The following MAGI2 variants were observed in gnomAD, a reference collection of about 807,000 sequenced individuals.
MAGI2 encodes the protein membrane-associated guanylate kinase, WW and PDZ domain-containing protein 2.
Under a neutral mutation model 133.3 loss-of-function variants are expected in MAGI2, and 35 were observed. The ratio of observed to expected loss-of-function variants is 0.26; its 90% CI spans 0.20 to 0.35. The LOEUF (loss-of-function observed/expected upper bound fraction) is 0.35. Ranked by LOEUF, MAGI2 falls within the 10% of genes least tolerant of loss-of-function variation. MAGI2 has a pLI of 1.00. For synonymous variants in MAGI2, 729 were observed against 710.6 expected (o/e 1.03, Z -0.41); for missense variants, 1,636 against 1,863.4 (o/e 0.88, Z 2.25).
chr7:78,230,260 TTA>T (rs1485228520), intron 10 of MAGI2, among the ~76,000 whole-genome samples: 1 of 152,248 alleles, frequency 6.6e-6, no homozygotes, highest in East Asian at 1.9e-4. Flanking sequence ...AATGCTACTT[TTA>T]TATGACATTG....
intron 6 of MAGI2, among the ~76,000 whole-genome samples, chr7:78,451,730 G>A (rs1432237321): frequency 6.6e-6 from 1 of 152,110 alleles, no homozygotes; most frequent in Non-Finnish European, 1.5e-5. Context: ...TACAGAGTAA[G>A]TACTACATGA....
chr7:79,398,645 T>A (rs76565417), intron 1 of MAGI2, among the ~76,000 whole-genome samples: 118 of 152,334 alleles, frequency 7.7e-4, no homozygotes, highest in Non-Finnish European at 1.3e-3. Flanking sequence ...AGGAAAAGCC[T>A]TTCTAGCACC....
chr7:78,045,347 C>T (rs191993359), intron 21 of MAGI2, among the ~76,000 whole-genome samples: 19 of 152,178 alleles, frequency 1.2e-4, no homozygotes, highest in Admixed American at 5.2e-4. Context: ...TCACTCATTT[C>T]GTCAAACACT....
chr7:78,682,934 T>C (rs181175208), intron 2 of MAGI2, among the ~76,000 whole-genome samples: 1 of 152,340 alleles, frequency 6.6e-6, no homozygotes, highest in East Asian at 1.9e-4. Context: ...GTGTGTTAAA[T>C]ATTCTTTTCA....
chr7:78,808,953 A>C (rs887362680), intron 2 of MAGI2, among the ~76,000 whole-genome samples: 3 of 152,246 alleles, frequency 2.0e-5, no homozygotes, highest in Non-Finnish European at 2.9e-5. Context: ...TCAGGAACAC[A>C]GTCACTGCCT....
chr7:78,144,805 G>T (rs775712261), intron 16 of MAGI2, among the ~76,000 whole-genome samples: 2 of 152,100 alleles, frequency 1.3e-5, no homozygotes, highest in African/African-American at 2.4e-5. Flanking sequence ...GAACGTGCAG[G>T]TTTGTTACAT....
At chr7:78,088,342 C>CATCT (rs1227366068) in intron 20 of MAGI2, among the ~76,000 whole-genome samples, 1 of 152,206 alleles carries the variant, frequency 6.6e-6, no homozygotes, top group African/African-American at 2.4e-5. Flanking sequence ...TCCTCTCTGA[C>CATCT]CTCTGCTTCT....
chr7:79,095,605 A>G (rs1817449235), intron 1 of MAGI2, among the ~76,000 whole-genome samples: 1 of 152,144 alleles, frequency 6.6e-6, no homozygotes, highest in South Asian at 2.1e-4. Context: ...CTCAGGGACT[A>G]GGAGGGCCCA....
intron 1 of MAGI2, among the ~76,000 whole-genome samples, chr7:79,192,437 A>G (rs1015677424): frequency 6.6e-6 from 1 of 151,882 alleles, no homozygotes; most frequent in African/African-American, 2.4e-5. Flanking sequence ...TTGCCTTTAC[A>G]TAATTTATAA....
At chr7:78,489,734 A>C in intron 6 of MAGI2, 27 bp downstream of exon 6, 1 of 1,551,460 alleles carries the variant, frequency 6.4e-7, no homozygotes, top group Non-Finnish European at 8.9e-7. Flanking sequence ...CACATTGCTG[A>C]AACACCATAA....
At chr7:78,206,126 A>G (rs1350315663) in intron 10 of MAGI2, among the ~76,000 whole-genome samples, 1 of 152,182 alleles carries the variant, frequency 6.6e-6, no homozygotes, top group Non-Finnish European at 1.5e-5. Flanking sequence ...TTTGTGTGGT[A>G]ACAGTTTTAT....
intron 9 of MAGI2, among the ~76,000 whole-genome samples, chr7:78,317,723 A>G (rs1432766611): frequency 3.9e-5 from 6 of 152,086 alleles, no homozygotes; most frequent in African/African-American, 1.4e-4. Context: ...GCCGACAGAA[A>G]CCTCATACAG....
intron 2 of MAGI2, among the ~76,000 whole-genome samples, chr7:78,726,797 A>C (rs1348463292): frequency 6.6e-6 from 1 of 152,222 alleles, no homozygotes; most frequent in Non-Finnish European, 1.5e-5. Flanking sequence ...ATGAAAATTT[A>C]AAGATCTATG....
intron 6 of MAGI2, among the ~76,000 whole-genome samples, chr7:78,417,164 G>A (rs923018132): frequency 2.0e-5 from 3 of 152,110 alleles, no homozygotes; most frequent in Admixed American, 1.3e-4. Context: ...GGGCCAGAGT[G>A]AAGATTTTGC....
chr7:78,820,295 C>T (rs889643255), intron 2 of MAGI2, among the ~76,000 whole-genome samples: 14 of 151,752 alleles, frequency 9.2e-5, no homozygotes, highest in African/African-American at 3.4e-4. Context: ...AGGGGAGATA[C>T]ATAAATATAT....
At chr7:79,369,574 C>G (rs1177035232) in intron 1 of MAGI2, among the ~76,000 whole-genome samples, 2 of 152,124 alleles carry the variant, frequency 1.3e-5, no homozygotes, top group Non-Finnish European at 2.9e-5. Flanking sequence ...TGAAACTTAC[C>G]TTTATTATAT....
intron 1 of MAGI2, among the ~76,000 whole-genome samples, chr7:79,390,171 C>T (rs1844494540): frequency 6.6e-6 from 1 of 151,996 alleles, no homozygotes; most frequent in African/African-American, 2.4e-5. Context: ...ATGAAATTTC[C>T]GTTTATAAGT....
chr7:79,312,525 T>C (rs1838367870), intron 1 of MAGI2, among the ~76,000 whole-genome samples: 1 of 152,196 alleles, frequency 6.6e-6, no homozygotes, highest in Non-Finnish European at 1.5e-5. Flanking sequence ...CAACGTAGCC[T>C]CACCAACACA....
At chr7:79,377,359 G>T (rs899166281) in intron 1 of MAGI2, among the ~76,000 whole-genome samples, 1 of 151,794 alleles carries the variant, frequency 6.6e-6, no homozygotes, top group East Asian at 1.9e-4. Flanking sequence ...CTTGTGAAAT[G>T]ATGGCCTCCC....
Sources: gnomAD v4.1 joint callset for allele counts (sites outside exome capture counted in the v4.1 genomes callset) on GRCh38, gnomAD v4.1.1 for gene constraint, MANE v1.5 for transcripts, NCBI Gene and HGNC (gene_info 2026-07-23, HGNC 2026-07-21) for gene names.